The following ATRX variants were observed in gnomAD, a reference collection of about 807,000 sequenced individuals.
ATRX encodes ATRX chromatin remodeler.
A neutral mutation model predicts 172.6 loss-of-function variants in ATRX; 12 were observed. That is an observed-to-expected ratio of 0.07 (90% CI 0.04 to 0.11). ATRX has a LOEUF of 0.11. ATRX is among the 10% of genes least tolerant of loss of function. ATRX has a pLI of 1.00. For synonymous variants in ATRX, 674 were observed against 594.7 expected, an observed-to-expected ratio of 1.13 and a Z score of -1.94; for missense variants, 1,368 against 1,767.4, an observed-to-expected ratio of 0.77 and a Z score of 4.05.
At chrX:77,644,044 AT>A (rs1557112420) in intron 15 of ATRX, among the ~76,000 whole-genome samples, 1 of 111,964 alleles carries the variant, frequency 8.9e-6, no homozygotes, top group Non-Finnish European at 1.9e-5. Context: ...GGTTCAAGCA[AT>A]TCTTGTGCCT....
intron 12 of ATRX, among the ~76,000 whole-genome samples, chrX:77,661,798 G>C (rs2069925433): frequency 9.0e-6 from 1 of 111,015 alleles, no homozygotes; most frequent in Non-Finnish European, 1.9e-5. Context: ...GTACACCTTG[G>C]TATACCACCC....
At chrX:77,670,678 C>G (rs2070513264) in intron 10 of ATRX, among the ~76,000 whole-genome samples, 1 of 108,169 alleles carries the variant, frequency 9.2e-6, no homozygotes, top group East Asian at 2.9e-4. Context: ...TCACCTGTAC[C>G]CAGGAGGCGG....
chrX:77,545,777 A>G (rs1221920729), intron 30 of ATRX, among the ~76,000 whole-genome samples: 1 of 112,004 alleles, frequency 8.9e-6, no homozygotes, highest in Admixed American at 9.5e-5. Flanking sequence ...TACATTTCTC[A>G]GAAGTATAAT....
At chrX:77,668,704 G>T (rs1362604221) in intron 10 of ATRX, among the ~76,000 whole-genome samples, 1 of 110,359 alleles carries the variant, frequency 9.1e-6, no homozygotes, top group Non-Finnish European at 1.9e-5. Flanking sequence ...AAATAAATAG[G>T]ACCCCAAAAC....
At chrX:77,550,353 C>A (rs941338870) in intron 30 of ATRX, among the ~76,000 whole-genome samples, 23 of 111,987 alleles carry the variant, frequency 2.1e-4, no homozygotes, top group Non-Finnish European at 3.9e-4. Context: ...TAAACAGAAG[C>A]AAAGACAAAA....
At position 77,766,396 on chromosome X, in the gene ATRX, G is replaced by A. The variant is rs571071411; in HGVS notation, c.20+19586C>T. 3.7e-4 allele frequency among the ~76,000 whole-genome samples: 38 copies of A among 103,852 alleles called. No individual in the cohort carries two copies. The East Asian group carries it at 6.8e-3, about 19-fold the overall frequency. The allele number at this position is 103,852 out of a possible 115,157, so 90.2% of individuals were successfully genotyped here. On this transcript the variant is annotated intron_variant, in intron 1 of 34. Coordinates refer to ENST00000373344, the MANE Select transcript of ATRX (RefSeq NM_000489.6). ...CTCACTTCCCAGACGGGGTGGCAGC[G>A]GGGCAGAGGGGCTCCTCACTTCTCA...
intron 19 of ATRX, among the ~76,000 whole-genome samples, chrX:77,624,983 T>G (rs2067766639): frequency 9.0e-6 from 1 of 111,679 alleles, no homozygotes; most frequent in African/African-American, 3.3e-5. Flanking sequence ...CACTACCTGA[T>G]TTCAAACTAT....
At chrX:77,572,832 T>C (rs1299114887) in intron 28 of ATRX, among the ~76,000 whole-genome samples, 2 of 112,047 alleles carry the variant, frequency 1.8e-5, no homozygotes, top group African/African-American at 6.5e-5. Flanking sequence ...TAAGCTCTCT[T>C]AGGCTACGGG....
At position 77,656,663 on chromosome X, in the gene ATRX, T is replaced by TA; in HGVS notation, c.4121-11dup. 1 of 1,144,951 alleles carries TA rather than the reference T, an allele frequency of 8.7e-7. No homozygotes were observed. The highest frequency in any genetic ancestry group is 1.2e-6 in the Non-Finnish European group (1 of 841,380). 94.4% of individuals were successfully genotyped at this position (1,144,951 alleles called of 1,213,427 possible). The stretch of plus-strand genomic sequence containing the variant: ...GAATCTTCACTGCTCACTTGAATTT[T>TA]AAAAAATACATAAAATTATTAATTA... On this transcript the variant is annotated splice_polypyrimidine_tract_variant and intron_variant, in intron 12 of 34. Coordinates refer to ENST00000373344, the MANE Select transcript of ATRX (RefSeq NM_000489.6).
At chrX:77,668,224 T>G (rs2070363421) in intron 10 of ATRX, among the ~76,000 whole-genome samples, 1 of 111,248 alleles carries the variant, frequency 9.0e-6, no homozygotes, top group African/African-American at 3.3e-5. Context: ...TGTGAGATGC[T>G]TTAAAGGGAA....
chrX:77,744,189 C>T (rs1456204395), intron 1 of ATRX, among the ~76,000 whole-genome samples: 5 of 111,952 alleles, frequency 4.5e-5, no homozygotes, highest in African/African-American at 9.7e-5. Flanking sequence ...TGGTGGCACA[C>T]GCCTGTAGTC....
intron 1 of ATRX, among the ~76,000 whole-genome samples, chrX:77,722,600 T>C (rs1284367969): frequency 8.9e-6 from 1 of 111,852 alleles, no homozygotes; most frequent in Non-Finnish European, 1.9e-5. Flanking sequence ...AAACTCATCA[T>C]CACTGGTCAT....
intron 1 of ATRX, among the ~76,000 whole-genome samples, chrX:77,742,474 C>T (rs2074913418): frequency 9.0e-6 from 1 of 111,673 alleles, no homozygotes; most frequent in South Asian, 3.8e-4. Flanking sequence ...CTGTGAGACC[C>T]TGGAGGAACC....
chrX:77,659,416 T>G (rs2069733926), intron 12 of ATRX, among the ~76,000 whole-genome samples: 1 of 109,250 alleles, frequency 9.2e-6, no homozygotes. Flanking sequence ...TGAACACTTG[T>G]ATCCCTTCTC....
At chrX:77,640,316 G>T (rs1052822492) in intron 15 of ATRX, among the ~76,000 whole-genome samples, 1 of 108,774 alleles carries the variant, frequency 9.2e-6, no homozygotes, top group Admixed American at 9.9e-5. Flanking sequence ...CCCCCACCCC[G>T]TATCTAAACT....
intron 27 of ATRX, 133 bp from the exon 28 acceptor site, chrX:77,574,491 T>C: frequency 6.6e-6 from 3 of 456,978 alleles, no homozygotes; most frequent in Non-Finnish European, 7.7e-6. Flanking sequence ...AAATACATTA[T>C]ATACTTTTCT....
intron 15 of ATRX, among the ~76,000 whole-genome samples, chrX:77,650,896 C>A (rs988675132): frequency 1.8e-5 from 2 of 111,920 alleles, no homozygotes; most frequent in African/African-American, 6.5e-5. Flanking sequence ...CCCATACCAA[C>A]TATTTTTTAA....
chrX:77,575,460 A>T (rs1166178093), intron 27 of ATRX: 1 of 111,474 alleles, frequency 9.0e-6, no homozygotes, highest in East Asian at 2.8e-4. Context: ...ATTTGCATTA[A>T]TTGTTCACTT....
chrX:77,521,143 G>C, intron 33 of ATRX: 1 of 434,056 alleles, frequency 2.3e-6, no homozygotes, highest in East Asian at 3.8e-5. Context: ...TGTACAACTG[G>C]TAATTAAAAT....
Sources: allele counts gnomAD v4.1 joint callset (sites outside exome capture counted in the v4.1 genomes callset), GRCh38; gene constraint gnomAD v4.1.1; transcripts MANE v1.5; gene names NCBI Gene and HGNC (gene_info 2026-07-23, HGNC 2026-07-21).